LSAMP: variants seen among roughly 807,000 people sequenced by gnomAD.
LSAMP encodes the protein limbic system-associated membrane protein.
LSAMP carries 7 observed loss-of-function variants against 38.6 expected under a neutral mutation model. The ratio of observed to expected loss-of-function variants is 0.18; its 90% CI spans 0.10 to 0.34. LSAMP has a LOEUF of 0.34. LSAMP is among the 10% of genes least tolerant of loss of function. The probability of loss-of-function intolerance (pLI) is 1.00; values close to 1 mark genes in which losing one functional copy is unlikely to be tolerated. For missense variants in LSAMP, 313 were observed against 420.0 expected (o/e 0.75, Z 2.23); for synonymous variants, 154 against 166.8 (o/e 0.92, Z 0.59).
intron 1 of LSAMP, among the ~76,000 whole-genome samples, chr3:116,326,113 C>T (rs2107735330): frequency 6.6e-6 from 1 of 152,116 alleles, no homozygotes; most frequent in Admixed American, 6.5e-5. Flanking sequence ...TAACTCATCT[C>T]AATTTAATCA....
chr3:115,872,584 GAGAATGGA>G (rs1236163047), intron 3 of LSAMP, among the ~76,000 whole-genome samples: 1 of 152,016 alleles, frequency 6.6e-6, no homozygotes, highest in African/African-American at 2.4e-5. Flanking sequence ...TGAGCCTCCC[GAGAATGGA>G]AGAATGGAAA....
intron 1 of LSAMP, among the ~76,000 whole-genome samples, chr3:116,307,321 A>AAAT (rs1343110562): frequency 6.6e-6 from 1 of 152,006 alleles, no homozygotes; most frequent in Non-Finnish European, 1.5e-5. Context: ...TTTACTTTTT[A>AAAT]AATTATTTTT....
At chr3:115,978,225 A>G (rs1057411950) in intron 3 of LSAMP, among the ~76,000 whole-genome samples, 30 of 152,158 alleles carry the variant, frequency 2.0e-4, no homozygotes, top group Admixed American at 1.2e-3. Context: ...GGCAAAATCT[A>G]TGCCCTCTAT....
At chr3:116,322,203 T>C (rs994159003) in intron 1 of LSAMP, among the ~76,000 whole-genome samples, 1 of 152,180 alleles carries the variant, frequency 6.6e-6, no homozygotes, top group African/African-American at 2.4e-5. Context: ...ATTTCACATC[T>C]TTCTCACTCA....
intron 1 of LSAMP, among the ~76,000 whole-genome samples, chr3:116,370,960 G>T (rs1467524375): frequency 6.6e-6 from 1 of 152,052 alleles, no homozygotes; most frequent in Non-Finnish European, 1.5e-5. Context: ...TTGTATACCA[G>T]CAAATTGGAT....
chr3:116,195,189 C>T (rs1459348297), intron 1 of LSAMP, among the ~76,000 whole-genome samples: 1 of 152,212 alleles, frequency 6.6e-6, no homozygotes, highest in African/African-American at 2.4e-5. Context: ...CAATTCCCCT[C>T]CTTTGTCTCT....
At chr3:116,437,202 G>A (rs1297146649) in intron 1 of LSAMP, among the ~76,000 whole-genome samples, 1 of 151,958 alleles carries the variant, frequency 6.6e-6, no homozygotes, top group Non-Finnish European at 1.5e-5. Flanking sequence ...ATATGTGGGA[G>A]CTAAGCTATG....
At chr3:116,173,805 G>A (rs1167830186) in intron 1 of LSAMP, among the ~76,000 whole-genome samples, 1 of 144,148 alleles carries the variant, frequency 6.9e-6, no homozygotes, top group East Asian at 2.0e-4. Context: ...TTTAACAATT[G>A]GGAAAGCAAT....
chr3:116,334,801 T>C (rs746000858), intron 1 of LSAMP, among the ~76,000 whole-genome samples: 2 of 152,082 alleles, frequency 1.3e-5, no homozygotes, highest in Non-Finnish European at 2.9e-5. Flanking sequence ...GGTGAAAGAC[T>C]GAAAGCTTTT....
At chr3:116,124,009 C>T (rs1359978366) in intron 1 of LSAMP, among the ~76,000 whole-genome samples, 2 of 152,130 alleles carry the variant, frequency 1.3e-5, no homozygotes, top group Admixed American at 6.5e-5. Context: ...GGGGCAAAGG[C>T]TTCCTTACCA....
intron 1 of LSAMP, among the ~76,000 whole-genome samples, chr3:116,214,356 C>A (rs1044977958): frequency 3.3e-5 from 5 of 152,106 alleles, no homozygotes; most frequent in Non-Finnish European, 7.4e-5. Flanking sequence ...AATTCTCCAG[C>A]CCAGAGTGAA....
intron 2 of LSAMP, among the ~76,000 whole-genome samples, chr3:116,085,238 G>T (rs939848772): frequency 6.6e-6 from 1 of 152,106 alleles, no homozygotes; most frequent in Non-Finnish European, 1.5e-5. Flanking sequence ...ATTGCAAATG[G>T]ACCAAAATAG....
Position 116,111,593 on chromosome 3 carries a change from G to A in LSAMP, c.156-25037C>T, listed in dbSNP as rs965165612. ...TAAAGTGATATGGTTTATCACCTTA[G>A]TAGTCTTTTTTTCCTTTTCCTTTCT... is the stretch of plus-strand genomic sequence containing the variant. On this transcript the variant is annotated intron_variant, in intron 1 of 6. Transcript: ENST00000490035. Among the ~76,000 whole-genome samples the A allele has an allele frequency of 4.6e-5, 7 of 150,828 alleles. No homozygotes were observed. The East Asian group carries it at 5.8e-4, about 12-fold the overall frequency.
chr3:115,983,889 G>C lies in LSAMP; in HGVS notation c.514+35626C>G, dbSNP rs558241163. Among the ~76,000 whole-genome samples, 11 of 152,286 alleles carry C rather than the reference G, an allele frequency of 7.2e-5. No individual in the cohort carries two copies. In the South Asian group the frequency reaches 2.1e-3, roughly 29 times the overall value. ...TTGATGTTGGCACAAAAGTGGCAAT[G>C]TTAACATTAAGAGACAATGGGAAAC... is the stretch of plus-strand genomic sequence containing the variant. On this transcript the variant is annotated intron_variant, in intron 3 of 6. Coordinates refer to ENST00000490035, the MANE Select transcript of LSAMP (RefSeq NM_002338.5).
rs549622401 is a variant in LSAMP at position 115,817,138 on chromosome 3, T to C, written c.920-6724A>G. ...CTTGGAATATTCTTCCCCTAGATCT[T>C]TGTATTGATCACTTAGTCACTTCAT... On this transcript the variant is annotated intron_variant, in intron 6 of 6. Coordinates refer to ENST00000490035, the MANE Select transcript of LSAMP (RefSeq NM_002338.5). 2.6e-5 allele frequency among the ~76,000 whole-genome samples: 4 copies of C among 152,344 alleles called. No homozygotes were observed. The East Asian group carries it at 7.7e-4, about 29-fold the overall frequency.
intron 3 of LSAMP, among the ~76,000 whole-genome samples, chr3:115,979,617 T>C (rs1939300467): frequency 6.6e-6 from 1 of 152,032 alleles, no homozygotes; most frequent in African/African-American, 2.4e-5. Flanking sequence ...TAGAACATAG[T>C]TTCTTCATGT....
intron 1 of LSAMP, among the ~76,000 whole-genome samples, chr3:116,292,108 C>A (rs766378880): frequency 1.3e-5 from 2 of 152,142 alleles, no homozygotes; most frequent in African/African-American, 4.8e-5. Context: ...TAAAATTTAT[C>A]TTTGGTAATC....
chr3:116,055,490 C>T (rs1340610657), intron 2 of LSAMP, among the ~76,000 whole-genome samples: 4 of 152,148 alleles, frequency 2.6e-5, no homozygotes, highest in African/African-American at 9.7e-5. Flanking sequence ...TAAGTTTTCT[C>T]TAGAAGTAAG....
intron 1 of LSAMP, among the ~76,000 whole-genome samples, chr3:116,178,523 G>T (rs1451111463): frequency 2.6e-5 from 4 of 152,152 alleles, no homozygotes; most frequent in African/African-American, 9.7e-5. Flanking sequence ...ATAAATCTAA[G>T]CCTTAGTACC....
Sources: gnomAD v4.1 joint callset for allele counts (sites outside exome capture counted in the v4.1 genomes callset) on GRCh38, gnomAD v4.1.1 for gene constraint, MANE v1.5 for transcripts, NCBI Gene and HGNC (gene_info 2026-07-23, HGNC 2026-07-21) for gene names.